ANKS1A: variants seen among roughly 807,000 people sequenced by gnomAD.
ANKS1A encodes ankyrin repeat and sterile alpha motif domain containing 1A.
ANKS1A carries 55 observed loss-of-function variants against 120.3 expected under a neutral mutation model. The ratio of observed to expected loss-of-function variants is 0.46; its 90% CI spans 0.37 to 0.57. The LOEUF (loss-of-function observed/expected upper bound fraction) is 0.57, where lower values mean the gene tolerates loss of function less well. Ranked by LOEUF, ANKS1A falls within the 20% of genes least tolerant of loss-of-function variation. The pLI is 0.00. For synonymous variants in ANKS1A, 590 were observed against 604.7 expected (o/e 0.98, Z 0.36); for missense variants, 1,123 against 1,480.3 (o/e 0.76, Z 3.96).
chr6:34,916,882 T>G (rs938487003), intron 1 of ANKS1A, among the ~76,000 whole-genome samples: 3 of 152,250 alleles, frequency 2.0e-5, no homozygotes, highest in Non-Finnish European at 4.4e-5. Context: ...GTTGAGTGCC[T>G]GCTGTGAACA....
At chr6:34,935,878 C>T (rs1040307107) in intron 1 of ANKS1A, among the ~76,000 whole-genome samples, 12 of 151,090 alleles carry the variant, frequency 7.9e-5, no homozygotes, top group Non-Finnish European at 1.5e-4. Context: ...CCGGCTAAAA[C>T]GGTGAAACCC....
downstream of ANKS1A, among the ~76,000 whole-genome samples, chr6:35,094,331 C>T (rs1362283819): frequency 6.6e-6 from 1 of 151,758 alleles, no homozygotes; most frequent in Non-Finnish European, 1.5e-5. Context: ...CCCAGCTACT[C>T]GGAAGCCTGA....
intron 3 of ANKS1A, among the ~76,000 whole-genome samples, chr6:34,981,407 A>G (rs1771898506): frequency 6.6e-6 from 1 of 151,794 alleles, no homozygotes. Context: ...TTTCTTGTTC[A>G]CTCTCCTTAC....
intron 13 of ANKS1A, among the ~76,000 whole-genome samples, chr6:35,077,593 T>C (rs1777437296): frequency 6.6e-6 from 1 of 152,180 alleles, no homozygotes; most frequent in African/African-American, 2.4e-5. Context: ...GAATTTTGCA[T>C]CATAGGCCAC....
intron 1 of ANKS1A, among the ~76,000 whole-genome samples, chr6:34,926,844 G>C (rs1158169153): frequency 6.6e-6 from 1 of 152,150 alleles, no homozygotes; most frequent in Non-Finnish European, 1.5e-5. Context: ...GGGCTTGGCT[G>C]TGGGGAATGT....
Position 34,918,414 on chromosome 6 carries a change from A to T in ANKS1A, c.197+28815A>T, listed in dbSNP as rs548083332. On this transcript the variant is annotated intron_variant, in intron 1 of 23. Coordinates refer to ENST00000360359, the MANE Select transcript of ANKS1A (RefSeq NM_015245.3). ...GTCACCATGAGGGTCAAAGGAAATA[A>T]TACAAATGAAGATGTTCCAAACAGC... Among the ~76,000 whole-genome samples the T allele has an allele frequency of 7.2e-5, 11 of 152,312 alleles. No homozygotes were observed. In the South Asian group the frequency reaches 2.3e-3, roughly 32 times the overall value.
intron 23 of ANKS1A, 56 bp downstream of exon 23, chr6:35,087,105 G>A: frequency 6.5e-7 from 1 of 1,542,176 alleles, no homozygotes; most frequent in Non-Finnish European, 9.0e-7. Context: ...TAGTCTCACT[G>A]TGCCTTTGCC....
At chr6:34,930,771 T>C (rs1768940821) in intron 1 of ANKS1A, among the ~76,000 whole-genome samples, 1 of 152,178 alleles carries the variant, frequency 6.6e-6, no homozygotes, top group African/African-American at 2.4e-5. Context: ...CCACAGCCAC[T>C]GATGTAGCTG....
intron 1 of ANKS1A, among the ~76,000 whole-genome samples, chr6:34,944,926 G>T (rs903343343): frequency 2.0e-5 from 3 of 152,052 alleles, no homozygotes; most frequent in African/African-American, 7.2e-5. Context: ...ATTTTAGTAA[G>T]TCCAGCTTAT....
At chr6:34,973,608 T>C (rs1278503404) in intron 3 of ANKS1A, among the ~76,000 whole-genome samples, 5 of 152,182 alleles carry the variant, frequency 3.3e-5, no homozygotes, top group Admixed American at 6.5e-5. Context: ...ACAGCTGCCT[T>C]GGGGAAGAGA....
intron 14 of ANKS1A, among the ~76,000 whole-genome samples, chr6:35,078,940 T>C (rs1209629282): frequency 6.6e-6 from 1 of 152,186 alleles, no homozygotes; most frequent in African/African-American, 2.4e-5. Flanking sequence ...AGGAGCCTGG[T>C]ACCCGCTGGC....
At chr6:34,987,541 G>T (rs1216435282) in intron 8 of ANKS1A, among the ~76,000 whole-genome samples, 20 of 152,296 alleles carry the variant, frequency 1.3e-4, no homozygotes. Flanking sequence ...AGCAAAGAAG[G>T]GTGGGGAAAG....
At position 34,982,740 on chromosome 6, in the gene ANKS1A, T is replaced by A; in HGVS notation, c.733-12T>A. 4.3e-6 allele frequency: 7 copies of A among 1,614,226 alleles called. No homozygotes were observed. Among genetic ancestry groups the A allele is most frequent in the Non-Finnish European group, 5.1e-6 (6 of 1,180,030 alleles). On this transcript the variant is annotated splice_polypyrimidine_tract_variant and intron_variant, in intron 4 of 23. Transcript: ENST00000360359. The surrounding 1 kb of genome is among the most constrained non-coding windows in gnomAD (Gnocchi z 4.9). The stretch of plus-strand genomic sequence containing the variant: ...GATGACATCCCGCTCTGCGCTCTCG[T>A]TTGCTTTCCAGACGGAGATGGGCAG...
the ANKS1A span, among the ~76,000 whole-genome samples, chr6:35,096,973 T>C: frequency 2.0e-5 from 3 of 152,014 alleles, no homozygotes; most frequent in South Asian, 6.2e-4. Flanking sequence ...ATCTCTACTT[T>C]GAATCTGCTA....
intron 11 of ANKS1A, among the ~76,000 whole-genome samples, chr6:35,042,124 A>G (rs910062918): frequency 9.2e-5 from 14 of 152,228 alleles, no homozygotes; most frequent in African/African-American, 3.4e-4. Flanking sequence ...TGTTGAAATC[A>G]CAATACTATA....
At position 35,082,660 on chromosome 6, in the gene ANKS1A, G is replaced by A. The variant is rs373474784; in HGVS notation, c.2710-31G>A. ...AGCCCATGTGCTCCTCTGGAGCAAGGAGCAGGTGTCCAATTGCGTGTGTTT... is the reference window on the plus strand; with the variant it reads ...AGCCCATGTGCTCCTCTGGAGCAAGAAGCAGGTGTCCAATTGCGTGTGTTT... On this transcript the variant is annotated intron_variant, in intron 17 of 23. Transcript: ENST00000360359. This position sits in a 1 kb window ranked among gnomAD's most constrained non-coding sequence, Gnocchi z 4.1. 29 of 1,591,552 alleles carry A rather than the reference G, an allele frequency of 1.8e-5. No homozygotes were observed. The African/African-American group carries it at 3.5e-4, about 19-fold the overall frequency.
At chr6:35,074,073 G>A (rs1194283349) in intron 13 of ANKS1A, among the ~76,000 whole-genome samples, 1 of 152,260 alleles carries the variant, frequency 6.6e-6, no homozygotes. Flanking sequence ...CCCTTCTGCT[G>A]GCCAAGGTCT....
rs1171997504 is a variant in ANKS1A, at chr6:35,075,406, GTTAA to G, written c.2185-3149_2185-3146del. ...ATCTAACTCATTTCATAGATAAAAG[GTTAA>G]TTTTCTTTTTTTTTTTTTTTTTTGA... On this transcript the variant is annotated intron_variant, in intron 13 of 23. Coordinates refer to ENST00000360359, the MANE Select transcript of ANKS1A (RefSeq NM_015245.3). 1.6e-4 allele frequency among the ~76,000 whole-genome samples: 24 copies of G among 149,180 alleles called. No individual in the cohort carries two copies. The East Asian group carries it at 5.0e-3, about 31-fold the overall frequency.
Position 35,010,250 on chromosome 6 carries a change from G to A in ANKS1A, c.1424-7223G>A, listed in dbSNP as rs535089277. ...GGAAAGAAACATAGGAAGATAACTG[G>A]GATAATGCAATATCTTAGGAGCTAA... On this transcript the variant is annotated intron_variant, in intron 10 of 23. Transcript: ENST00000360359. 9.9e-5 allele frequency among the ~76,000 whole-genome samples: 15 copies of A among 152,204 alleles called. No individual in the cohort carries two copies. The South Asian group carries it at 2.9e-3, about 29-fold the overall frequency.
Sources: gnomAD v4.1 joint callset for allele counts (sites outside exome capture counted in the v4.1 genomes callset) on GRCh38, gnomAD v4.1.1 for gene constraint, Gnocchi (gnomAD v3.1) non-coding constraint, MANE v1.5 for transcripts, NCBI Gene and HGNC (gene_info 2026-07-23, HGNC 2026-07-21) for gene names.